The following RHPN2 variants were observed in gnomAD, a reference collection of about 807,000 sequenced individuals.
RHPN2 encodes the protein rhophilin-2.
Under a neutral mutation model 79.0 loss-of-function variants are expected in RHPN2, and 40 were observed. The observed-to-expected ratio is 0.51, with a 90% CI of 0.39 to 0.66. The LOEUF is 0.66. Ranked by LOEUF, RHPN2 falls within the 30% of genes least tolerant of loss-of-function variation. The pLI, the probability that RHPN2 is intolerant of heterozygous loss-of-function variation, is 0.00. For missense variants in RHPN2, 686 were observed against 883.5 expected (o/e 0.78, Z 2.83); for synonymous variants, 285 against 363.5 (o/e 0.78, Z 2.46).
At chr19:33,057,453 G>A (rs1972243159) in intron 1 of RHPN2, among the ~76,000 whole-genome samples, 1 of 152,088 alleles carries the variant, frequency 6.6e-6, no homozygotes, top group Non-Finnish European at 1.5e-5. Flanking sequence ...ACTTTGGGAG[G>A]TCAAGGCAGG....
intron 14 of RHPN2, among the ~76,000 whole-genome samples, chr19:32,986,073 A>G (rs1971611083): frequency 6.6e-6 from 1 of 152,216 alleles, no homozygotes; most frequent in African/African-American, 2.4e-5. Context: ...GGCTTTATGT[A>G]AACTCAGTTT....
intron 3 of RHPN2, among the ~76,000 whole-genome samples, chr19:33,025,981 G>GTTTTTTTTT (rs71340523): frequency 1.5e-5 from 2 of 129,108 alleles, no homozygotes; most frequent in Admixed American, 8.2e-5. Context: ...GTGTTCATTT[G>GTTTTTTTTT]TTTTTTTTTT....
At chr19:33,025,584 G>A (rs1448572248) in intron 3 of RHPN2, among the ~76,000 whole-genome samples, 1 of 152,198 alleles carries the variant, frequency 6.6e-6, no homozygotes, top group Non-Finnish European at 1.5e-5. Flanking sequence ...ACAGACTGCA[G>A]TCCAACGTAA....
chr19:32,984,347 T>G (rs1971599005), intron 14 of RHPN2, among the ~76,000 whole-genome samples: 3 of 152,126 alleles, frequency 2.0e-5, no homozygotes, highest in Admixed American at 2.0e-4. Context: ...CAAAAATAAT[T>G]TTTAAAAAAT....
intron 14 of RHPN2, among the ~76,000 whole-genome samples, chr19:32,987,080 G>A (rs1049071379): frequency 6.6e-6 from 1 of 151,690 alleles, no homozygotes; most frequent in African/African-American, 2.4e-5. Context: ...GTCTCGCCAT[G>A]TTGCCCAGGC....
At chr19:33,052,873 C>T (rs1400180033) in intron 1 of RHPN2, among the ~76,000 whole-genome samples, 1 of 152,182 alleles carries the variant, frequency 6.6e-6, no homozygotes, top group Non-Finnish European at 1.5e-5. Flanking sequence ...TGAGTCAACA[C>T]AGCCATAATC....
chr19:32,990,428 G>A (rs1169513645), intron 14 of RHPN2, 86 bp downstream of exon 14: 38 of 1,397,742 alleles, frequency 2.7e-5, no homozygotes, highest in Non-Finnish European at 3.5e-5. Context: ...AGGAGACAGA[G>A]GGTCTGGTAA....
At chr19:33,042,049 T>G (rs1275653114) in intron 2 of RHPN2, among the ~76,000 whole-genome samples, 1 of 151,960 alleles carries the variant, frequency 6.6e-6, no homozygotes, top group Non-Finnish European at 1.5e-5. Flanking sequence ...ATTAGCCAGG[T>G]GTGCTGGCAC....
chr19:33,020,329 CTT>C (rs71340522), intron 4 of RHPN2, among the ~76,000 whole-genome samples: 14,528 of 139,252 alleles, frequency 0.1, 803 homozygotes, highest in South Asian at 0.22. Flanking sequence ...CTTTCGTTCT[CTT>C]TTTTTTTTTT....
intron 14 of RHPN2, among the ~76,000 whole-genome samples, chr19:32,984,653 T>C (rs906033469): frequency 6.6e-6 from 1 of 151,812 alleles, no homozygotes; most frequent in Middle Eastern, 3.2e-3. Context: ...AGCAAGACTC[T>C]GTCTCCAAAA....
chr19:33,000,168 G>A (rs981824670), intron 9 of RHPN2, among the ~76,000 whole-genome samples: 5 of 151,646 alleles, frequency 3.3e-5, no homozygotes, highest in African/African-American at 1.2e-4. Context: ...CACTATGCCT[G>A]GCTACCCCAA....
intron 4 of RHPN2, among the ~76,000 whole-genome samples, chr19:33,020,455 G>GT (rs35281626): frequency 0.3 from 45,277 of 148,748 alleles, 8,125 homozygotes; most frequent in African/African-American, 0.49. Flanking sequence ...AGCCTCTCGA[G>GT]TAACTAGGAT....
Position 32,991,822 on chromosome 19 carries a change from C to T in RHPN2, c.1644+1G>A. 6.2e-7 allele frequency: 1 copy of T among 1,613,956 alleles called. No individual in the cohort carries two copies. The highest frequency in any genetic ancestry group is 8.5e-7 in the Non-Finnish European group (1 of 1,179,864). On this transcript the variant is annotated splice_donor_variant, in intron 13 of 14. Transcript: ENST00000254260. LOFTEE classifies it high-confidence loss of function. ...GCCAATCAAGAAAAGCATGTGCTTA[C>T]CGAGGCAGAGCAGTAAGGATCCAGG...
At chr19:33,027,258 A>C (rs936187634) in intron 2 of RHPN2, 15 of 152,382 alleles carry the variant, frequency 9.8e-5, no homozygotes, top group Non-Finnish European at 1.7e-4. Flanking sequence ...CAAAAAAAAA[A>C]AAAAAAAAAA....
chr19:33,003,357 C>CAA (rs56166279), intron 7 of RHPN2, among the ~76,000 whole-genome samples: 131 of 66,596 alleles, frequency 2.0e-3, no homozygotes, highest in Middle Eastern at 0.012. Flanking sequence ...GACTCTGTCT[C>CAA]AAAAAAAAAA....
chr19:32,997,657 G>A (rs1971713432), intron 10 of RHPN2, among the ~76,000 whole-genome samples: 1 of 151,592 alleles, frequency 6.6e-6, no homozygotes, highest in African/African-American at 2.4e-5. Context: ...ATCTGGCTAA[G>A]TTTTTGTATT....
chr19:33,059,403 A>G (rs1972261727), intron 1 of RHPN2, among the ~76,000 whole-genome samples: 1 of 150,916 alleles, frequency 6.6e-6, no homozygotes, highest in African/African-American at 2.5e-5. Flanking sequence ...GGTTCAGGCA[A>G]TTCTCCTGCC....
Position 32,991,797 on chromosome 19 carries a change from G to A in RHPN2, c.1644+26C>T, listed in dbSNP as rs769296946. The A allele has an allele frequency of 1.1e-5, 17 of 1,613,866 alleles. No homozygotes were observed. In the South Asian group the frequency reaches 1.8e-4, roughly 17 times the overall value. The stretch of plus-strand genomic sequence containing the variant: ...AATCACCCAGATATCTGTGTTTGCT[G>A]CCAATCAAGAAAAGCATGTGCTTAC... On this transcript the variant is annotated intron_variant, in intron 13 of 14. Transcript: ENST00000254260.
chr19:32,992,538 C>T (rs1227354004), intron 12 of RHPN2, among the ~76,000 whole-genome samples: 2 of 152,150 alleles, frequency 1.3e-5, no homozygotes, highest in African/African-American at 2.4e-5. Flanking sequence ...TAAGACTAGG[C>T]ATGTCATGCC....
Sources: allele counts gnomAD v4.1 joint callset (sites outside exome capture counted in the v4.1 genomes callset), GRCh38; gene constraint gnomAD v4.1.1; transcripts MANE v1.5; gene names NCBI Gene and HGNC (gene_info 2026-07-23, HGNC 2026-07-21).